The following SYNPO2 variants were observed in gnomAD, a reference collection of about 807,000 sequenced individuals.
SYNPO2 encodes the protein synaptopodin-2.
In SYNPO2, 56 loss-of-function variants were observed where a neutral mutation model predicts 85.0. The observed-to-expected ratio is 0.66, with a 90% CI of 0.53 to 0.82. The LOEUF is 0.82. Among genes scored for constraint, SYNPO2 ranks in the 40% least tolerant of loss-of-function variants. SYNPO2 has a pLI of 0.00. For missense variants in SYNPO2, 1,575 were observed against 1,534.2 expected (o/e 1.03, Z -0.44); for synonymous variants, 602 against 591.1 (o/e 1.02, Z -0.27).
rs1315389950 is a variant in SYNPO2, at chr4:119,061,127, T to C, written c.*3193T>C. 6.6e-6 allele frequency: 1 copy of C among 152,196 alleles called. No homozygotes were observed. The highest frequency in any genetic ancestry group is 2.4e-5 in the African/African-American group (1 of 41,466). The allele number at this position is 152,196 out of a possible 1,614,324, so 9.4% of individuals were successfully genotyped here. Reference sequence around the variant, plus strand: ...GTCCACACTTTTCTATTTTAAAAAATTGTGTTCTCTTGTTAAATAGATTAA... The same window carrying C: ...GTCCACACTTTTCTATTTTAAAAAACTGTGTTCTCTTGTTAAATAGATTAA... On this transcript the variant is annotated 3_prime_UTR_variant, in exon 5 of 5. Coordinates refer to ENST00000307142, the MANE Select transcript of SYNPO2 (RefSeq NM_133477.3).
chr4:118,951,643 T>C (rs1734700382), intron 1 of SYNPO2, among the ~76,000 whole-genome samples: 1 of 152,132 alleles, frequency 6.6e-6, no homozygotes, highest in Non-Finnish European at 1.5e-5. Flanking sequence ...CAACATTGTA[T>C]CAAAAAAATC....
At chr4:118,999,176 C>T (rs1320829620) in intron 1 of SYNPO2, among the ~76,000 whole-genome samples, 1 of 152,142 alleles carries the variant, frequency 6.6e-6, no homozygotes, top group South Asian at 2.1e-4. Flanking sequence ...GAGACAGGGT[C>T]TCACTCTGTC....
chr4:118,929,748 A>T (rs748999125), intron 1 of SYNPO2, among the ~76,000 whole-genome samples: 25 of 152,196 alleles, frequency 1.6e-4, no homozygotes, highest in Non-Finnish European at 2.8e-4. Context: ...TTTCTAATAA[A>T]AATATACAGT....
chr4:118,874,102 T>C (rs964109099), intron 1 of SYNPO2, among the ~76,000 whole-genome samples: 2 of 152,248 alleles, frequency 1.3e-5, no homozygotes, highest in African/African-American at 4.8e-5. Context: ...AGTACCATGC[T>C]GTTTTGGCTA....
chr4:119,027,304 T>G lies in SYNPO2; in HGVS notation c.935T>G (p.Val312Gly). 1 of 1,614,056 alleles carries G rather than the reference T, an allele frequency of 6.2e-7. No individual in the cohort carries two copies. Among genetic ancestry groups the G allele is most frequent in the Non-Finnish European group, 8.5e-7 (1 of 1,179,996 alleles). The change falls in exon 3 of 5, where the codon GTG becomes GGG. Residue 312 changes from valine to glycine, a missense_variant. Coordinates refer to ENST00000307142, the MANE Select transcript of SYNPO2 (RefSeq NM_133477.3). ...GGAAAGGAGTGTGTGGATTCTCCAG[T>G]GGAAGGAGGGCAGTCAGAAGCACCT... is the stretch of plus-strand genomic sequence containing the variant. ...QAGKECVDSP[V>G]EGGQSEAPPS...
intron 1 of SYNPO2, among the ~76,000 whole-genome samples, chr4:118,880,388 G>A (rs1447530705): frequency 6.6e-6 from 1 of 152,092 alleles, no homozygotes; most frequent in Admixed American, 6.5e-5. Context: ...ACTGATTTTG[G>A]GGGGTATAAT....
Position 119,057,895 on chromosome 4 carries a change from C to T in SYNPO2, c.3747C>T (p.Asn1249=). The change falls in exon 5 of 5, where the codon AAC becomes AAT. Residue 1249 remains asparagine (N), a synonymous_variant. Transcript: ENST00000307142. The part of the protein sequence containing the change: ...SDYCLPVADY[N]YNPHPRGWRR... ...ACTGTCTTCCAGTAGCTGATTACAA[C>T]TACAACCCACACCCAAGGGGATGGA... The T allele has an allele frequency of 6.2e-7, 1 of 1,614,034 alleles. No individual in the cohort carries two copies. Among genetic ancestry groups the T allele is most frequent in the East Asian group, 2.2e-5 (1 of 44,860 alleles).
intron 1 of SYNPO2, among the ~76,000 whole-genome samples, chr4:118,909,239 C>T (rs971093294): frequency 1.3e-5 from 2 of 152,142 alleles, no homozygotes; most frequent in African/African-American, 4.8e-5. Flanking sequence ...GTGAAACATA[C>T]GGGGGATGAG....
chr4:118,866,006 A>G (rs570671625), intron 1 of SYNPO2, among the ~76,000 whole-genome samples: 1 of 152,224 alleles, frequency 6.6e-6, no homozygotes, highest in Non-Finnish European at 1.5e-5. Context: ...GTAGAATTTA[A>G]TAGGGACAGA....
chr4:118,852,302 A>G (rs759671816), intron 1 of SYNPO2, among the ~76,000 whole-genome samples: 5 of 152,212 alleles, frequency 3.3e-5, no homozygotes, highest in Non-Finnish European at 7.3e-5. Flanking sequence ...ATTGTGGAAG[A>G]CAGTGTGGTG....
At chr4:118,950,453 G>T (rs1294715693) in intron 1 of SYNPO2, among the ~76,000 whole-genome samples, 1 of 152,204 alleles carries the variant, frequency 6.6e-6, no homozygotes. Context: ...CTGTATTGTG[G>T]TTTCTACAGG....
At chr4:119,053,476 A>G (rs1485741940) in intron 4 of SYNPO2, among the ~76,000 whole-genome samples, 1 of 152,190 alleles carries the variant, frequency 6.6e-6, no homozygotes, top group Non-Finnish European at 1.5e-5. Flanking sequence ...TTGCTCATTG[A>G]GCTGGTTGCT....
rs887315914 is a variant in SYNPO2 at position 119,036,444 on chromosome 4, G to A, written c.3252+4417G>A. 19 of 985,380 alleles carry A rather than the reference G, an allele frequency of 1.9e-5. No homozygotes were observed. The South Asian group carries it at 2.8e-4, about 15-fold the overall frequency. 61.0% of individuals were successfully genotyped at this position (985,380 alleles called of 1,614,324 possible). ...ATGCCTGTGACACTTTGGTGTTGCC[G>A]AGTTAGTCAACAATTATTCTGGGAA... is the stretch of plus-strand genomic sequence containing the variant. On this transcript the variant is annotated intron_variant, in intron 4 of 4. Coordinates refer to ENST00000307142, the MANE Select transcript of SYNPO2 (RefSeq NM_133477.3).
chr4:118,868,629 A>G (rs1731744881), intron 1 of SYNPO2, among the ~76,000 whole-genome samples: 1 of 152,208 alleles, frequency 6.6e-6, no homozygotes, highest in Non-Finnish European at 1.5e-5. Context: ...AACATGAAAA[A>G]GGAATAAAAA....
chr4:118,995,714 G>T (rs1278852278), intron 1 of SYNPO2, among the ~76,000 whole-genome samples: 1 of 152,148 alleles, frequency 6.6e-6, no homozygotes, highest in Non-Finnish European at 1.5e-5. Context: ...TAACTTATGA[G>T]ACCTGGGACA....
chr4:118,983,789 GC>G (rs1302195196), intron 1 of SYNPO2, among the ~76,000 whole-genome samples: 8 of 88,520 alleles, frequency 9.0e-5, no homozygotes, highest in Admixed American at 3.3e-4. Flanking sequence ...CTACGTGCCT[GC>G]CCTTCCAACA....
intron 1 of SYNPO2, among the ~76,000 whole-genome samples, chr4:118,986,700 C>G (rs1326715109): frequency 6.6e-6 from 1 of 152,158 alleles, no homozygotes; most frequent in Non-Finnish European, 1.5e-5. Context: ...CCGCAGGGAG[C>G]ATAGACCTTT....
At chr4:119,025,056 T>G (rs1371474822) in intron 2 of SYNPO2, among the ~76,000 whole-genome samples, 1 of 152,270 alleles carries the variant, frequency 6.6e-6, no homozygotes. Flanking sequence ...ATGAATGTTT[T>G]AAGGCATAAA....
chr4:118,980,391 C>T (rs190383481), intron 1 of SYNPO2, among the ~76,000 whole-genome samples: 131 of 152,184 alleles, frequency 8.6e-4, no homozygotes, highest in Middle Eastern at 3.4e-3. Context: ...AGAGTCTATC[C>T]ACACTCCTAG....
Sources: allele counts gnomAD v4.1 joint callset (sites outside exome capture counted in the v4.1 genomes callset), GRCh38; gene constraint gnomAD v4.1.1; transcripts MANE v1.5; gene names NCBI Gene and HGNC (gene_info 2026-07-23, HGNC 2026-07-21).